ESPN: variants seen among roughly 807,000 people sequenced by gnomAD.
ESPN encodes the protein espin, also known as autosomal recessive deafness type 36 protein.
ESPN carries 68 observed loss-of-function variants against 77.7 expected under a neutral mutation model. That is an observed-to-expected ratio of 0.87 (90% CI 0.72 to 1.07). ESPN has a LOEUF of 1.07. ESPN is among the 50% of genes least tolerant of loss of function. The probability of loss-of-function intolerance (pLI) is 0.00; values close to 1 mark genes in which losing one functional copy is unlikely to be tolerated. For synonymous variants in ESPN, 449 were observed against 567.1 expected, an observed-to-expected ratio of 0.79 and a Z score of 2.96; for missense variants, 1,060 against 1,239.0, an observed-to-expected ratio of 0.86 and a Z score of 2.17.
Position 6,450,519 on chromosome 1 carries a change from G to C in ESPN, c.1916-1084G>C, listed in dbSNP as rs566141932. ...CTGGCTGAGGCTGAGGCGCGGGGTG[G>C]GGGGAAGAGGCAGGAAAAGCAAGGC... On this transcript the variant is annotated intron_variant, in intron 8 of 12. Coordinates refer to ENST00000645284, the MANE Select transcript of ESPN (RefSeq NM_031475.3). The surrounding 1 kb of genome is among the most constrained non-coding windows in gnomAD (Gnocchi z 4.3). 4.2e-5 allele frequency: 39 copies of C among 925,634 alleles called. No homozygotes were observed. The highest frequency in any genetic ancestry group is 5.5e-4 in the Middle Eastern group (1 of 1,832). 57.3% of individuals were successfully genotyped at this position (925,634 alleles called of 1,614,324 possible).
intron 1 of ESPN, 126 bp downstream of exon 1, chr1:6,425,375 G>A (rs1468815246): frequency 1.9e-5 from 23 of 1,228,946 alleles, no homozygotes; most frequent in South Asian, 9.4e-5. Context: ...AACCCTGCAC[G>A]GAGCTCCTTC....
chr1:6,455,198 G>A, intron 10 of ESPN: 1 of 388,696 alleles, frequency 2.6e-6, no homozygotes, highest in South Asian at 1.3e-4. Flanking sequence ...CGCTGCCTGA[G>A]CCCGAGCAGC....
intron 2 of ESPN, among the ~76,000 whole-genome samples, chr1:6,432,343 G>C (rs1345687646): frequency 6.6e-6 from 1 of 152,228 alleles, no homozygotes; most frequent in Non-Finnish European, 1.5e-5. Context: ...ACCAGCTCCA[G>C]GTCTACCCTT....
In ESPN at chr1:6,425,023, C is replaced by A; in HGVS notation, c.68C>A (p.Ala23Asp). Residue 23 changes from alanine (A) to aspartate (D), a missense_variant, in exon 1 of 13, where the codon GCC (alanine) becomes GAC (aspartate). Around this residue, in one of 3 missense-constraint regions of ESPN, gnomAD observed 556 missense variants for 633.6 expected, o/e 0.88. Transcript: ENST00000645284. ...CTGGACGTGCTGAGGTCGCTGCACG[C>A]CGCAGGCCTCCTGGGGCCCTCGCTG... Reference protein sequence around the residue: ...GELDVLRSLHAAGLLGPSLRD... With the variant: ...GELDVLRSLHDAGLLGPSLRD... 1 of 1,470,914 alleles carries A rather than the reference C, an allele frequency of 6.8e-7. No homozygotes were observed. The highest frequency in any genetic ancestry group is 8.9e-7 in the Non-Finnish European group (1 of 1,117,900). 91.1% of individuals were successfully genotyped at this position (1,470,914 alleles called of 1,614,324 possible).
At chr1:6,431,209 G>A (rs1485730140) in intron 2 of ESPN, among the ~76,000 whole-genome samples, 1 of 152,222 alleles carries the variant, frequency 6.6e-6, no homozygotes, top group Non-Finnish European at 1.5e-5. Context: ...GCCAGTCACA[G>A]CAAGCTGGAA....
At chr1:6,435,413 G>A (rs752629943) in intron 2 of ESPN, among the ~76,000 whole-genome samples, 11 of 152,352 alleles carry the variant, frequency 7.2e-5, no homozygotes, top group African/African-American at 1.4e-4. Context: ...CAGCCCACAC[G>A]GGCGACCCAT....
intron 2 of ESPN, among the ~76,000 whole-genome samples, chr1:6,438,182 G>T (rs1643500586): frequency 6.6e-6 from 1 of 152,194 alleles, no homozygotes; most frequent in South Asian, 2.1e-4. Context: ...CTGGGTCTGG[G>T]GATAGATTGT....
At position 6,428,120 on chromosome 1, in the gene ESPN, A is replaced by G. The variant is rs1643106311; in HGVS notation, c.295-106A>G. On this transcript the variant is annotated intron_variant, in intron 1 of 12. Transcript: ENST00000645284. The surrounding 1 kb of genome is among the most constrained non-coding windows in gnomAD (Gnocchi z 5.4). ...CCTGGCCAATCCCTCCAGGGAAGAC[A>G]GAGAGCACAGAGCTACCTTCCAGGC... 2 of 1,226,994 alleles carry G rather than the reference A, an allele frequency of 1.6e-6. No individual in the cohort carries two copies. Among genetic ancestry groups the G allele is most frequent in the Non-Finnish European group, 2.4e-6 (2 of 834,078 alleles). The allele number at this position is 1,226,994 out of a possible 1,614,324, so 76.0% of individuals were successfully genotyped here.
At chr1:6,456,012 C>T (rs1362562486) in intron 10 of ESPN, 5 of 397,644 alleles carry the variant, frequency 1.3e-5, no homozygotes, top group African/African-American at 2.1e-5. Flanking sequence ...GCCGCAGCCG[C>T]CGCCGCCGCC....
rs181005289 is a variant in ESPN, at chr1:6,445,623, C to G, written c.1193-41C>G. On this transcript the variant is annotated intron_variant, in intron 6 of 12. Transcript: ENST00000645284. ...GTCTCAGTCTTGGGGGACAGCCTGTCTGCATGCTCCCAAATCTGGCCCTTC... is the reference window on the plus strand; with the variant it reads ...GTCTCAGTCTTGGGGGACAGCCTGTGTGCATGCTCCCAAATCTGGCCCTTC... 9.2e-4 allele frequency: 1,477 copies of G among 1,602,570 alleles called. 13 individuals are homozygous for G. The African/African-American group carries it at 0.018, about 19-fold the overall frequency.
At chr1:6,438,726 T>G (rs1180475721) in intron 2 of ESPN, among the ~76,000 whole-genome samples, 1 of 152,252 alleles carries the variant, frequency 6.6e-6, no homozygotes, top group East Asian at 1.9e-4. Context: ...CCTGTGAGCC[T>G]CCTCAGCTGC....
At chr1:6,454,424 C>T (rs1012344937) in intron 10 of ESPN, 172 of 398,948 alleles carry the variant, frequency 4.3e-4, no homozygotes, top group African/African-American at 3.2e-3. Flanking sequence ...TCTTGTCTTC[C>T]CCGCCTTAGC....
intron 2 of ESPN, among the ~76,000 whole-genome samples, chr1:6,432,481 C>A (rs1486894565): frequency 6.6e-6 from 1 of 152,202 alleles, no homozygotes; most frequent in Non-Finnish European, 1.5e-5. Flanking sequence ...CTGGTGGAGT[C>A]CGGAGCAGCC....
chr1:6,439,232 A>G (rs1411671408), intron 2 of ESPN, among the ~76,000 whole-genome samples: 1 of 152,232 alleles, frequency 6.6e-6, no homozygotes, highest in African/African-American at 2.4e-5. Flanking sequence ...AAACAGCAAC[A>G]ACCAAACCCA....
chr1:6,460,004 A>G lies in ESPN; in HGVS notation c.2423A>G (p.Glu808Gly). The G allele has an allele frequency of 1.2e-6, 2 of 1,613,480 alleles. No individual in the cohort carries two copies. Among genetic ancestry groups the G allele is most frequent in the Non-Finnish European group, 1.7e-6 (2 of 1,179,972 alleles). ...CCCCCTCCCCACTGCCTCAGGAAAG[A>G]GGAGGAGCGACAGAAGCAGGAGGAG... ...LEEEREQKRK[E>G]EERQKQEELR... is the part of the protein sequence containing the mutation. The change falls in exon 13 of 13, where the codon GAG (glutamate) becomes GGG (glycine). Residue 808 changes from glutamate to glycine, a missense_variant. Coordinates refer to ENST00000645284, the MANE Select transcript of ESPN (RefSeq NM_031475.3).
At chr1:6,452,166 C>CCCCCAA in intron 10 of ESPN, 70 bp downstream of exon 10, 1 of 1,437,868 alleles carries the variant, frequency 7.0e-7, no homozygotes, top group Non-Finnish European at 9.2e-7. Flanking sequence ...CCCCACGCCA[C>CCCCCAA]CCCCAACCCC....
At chr1:6,441,468 G>A (rs1272764640) in intron 5 of ESPN, among the ~76,000 whole-genome samples, 1 of 152,164 alleles carries the variant, frequency 6.6e-6, no homozygotes, top group Middle Eastern at 3.2e-3. Context: ...GGCATCACCA[G>A]TAACTGTTAG....
At position 6,441,070 on chromosome 1, in the gene ESPN, G is replaced by A. The variant is rs773265509; in HGVS notation, c.990+5G>A. 6.2e-6 allele frequency: 10 copies of A among 1,610,266 alleles called. No individual in the cohort carries two copies. The highest frequency in any genetic ancestry group is 8.5e-6 in the Non-Finnish European group (10 of 1,179,180). On this transcript the variant is annotated splice_donor_5th_base_variant and intron_variant, in intron 5 of 12. Coordinates refer to ENST00000645284, the MANE Select transcript of ESPN (RefSeq NM_031475.3). ...CTGCGCACGGTGGAGAACCTGGTAC[G>A]ATCCCTGAGCTGCTCCTGTCGCATT...
chr1:6,456,023 C>G (rs1408613566), intron 10 of ESPN: 7 of 397,166 alleles, frequency 1.8e-5, no homozygotes, highest in Non-Finnish European at 2.2e-5. Flanking sequence ...CGCCGCCGCC[C>G]CCGCCCGCCG....
Sources: allele counts gnomAD v4.1 joint callset (sites outside exome capture counted in the v4.1 genomes callset), GRCh38; gene constraint gnomAD v4.1.1; regional missense constraint gnomAD v4.1.1; non-coding constraint Gnocchi (gnomAD v3.1); transcripts MANE v1.5; gene names NCBI Gene and HGNC (gene_info 2026-07-23, HGNC 2026-07-21).